CFAP299: variants seen among roughly 807,000 people sequenced by gnomAD.
CFAP299 encodes the protein cilia and flagella associated protein 299.
CFAP299 carries 21 observed loss-of-function variants against 27.0 expected under a neutral mutation model. The observed-to-expected ratio is 0.78, with a 90% CI of 0.55 to 1.12. The LOEUF is 1.12. Among genes scored for constraint, CFAP299 ranks in the 50% most tolerant of loss-of-function variants. The pLI, the probability that CFAP299 is intolerant of heterozygous loss-of-function variation, is 0.00. For synonymous variants in CFAP299, 104 were observed against 98.1 expected (o/e 1.06, Z -0.36); for missense variants, 310 against 276.6 (o/e 1.12, Z -0.86).
At chr4:80,819,993 A>G (rs937789324) in intron 3 of CFAP299, among the ~76,000 whole-genome samples, 6 of 152,098 alleles carry the variant, frequency 3.9e-5, no homozygotes, top group African/African-American at 1.4e-4. Context: ...TTTTGTTTTT[A>G]ATCTCCAGAG....
intron 3 of CFAP299, among the ~76,000 whole-genome samples, chr4:80,717,031 T>C (rs1052941354): frequency 6.6e-6 from 1 of 152,190 alleles, no homozygotes; most frequent in Non-Finnish European, 1.5e-5. Flanking sequence ...ATTCATTTAT[T>C]TAATATTTAT....
intron 3 of CFAP299, among the ~76,000 whole-genome samples, chr4:80,807,177 T>C (rs537722261): frequency 6.6e-6 from 1 of 152,218 alleles, no homozygotes; most frequent in East Asian, 1.9e-4. Flanking sequence ...GGAAAGAAGT[T>C]CAAATATAAA....
At chr4:80,845,089 G>C (rs1172445124) in intron 3 of CFAP299, among the ~76,000 whole-genome samples, 1 of 152,096 alleles carries the variant, frequency 6.6e-6, no homozygotes. Context: ...ATTTCTGAGA[G>C]CTCTGTTCTA....
intron 3 of CFAP299, among the ~76,000 whole-genome samples, chr4:80,684,436 T>C (rs1303725073): frequency 6.6e-6 from 1 of 152,106 alleles, no homozygotes; most frequent in Non-Finnish European, 1.5e-5. Flanking sequence ...ACTAATTTTT[T>C]GTATTTTTTT....
chr4:80,933,165 C>CCTTT (rs569206836), intron 4 of CFAP299, among the ~76,000 whole-genome samples: 2,650 of 149,302 alleles, frequency 0.018, 42 homozygotes, highest in Non-Finnish European at 0.027. Context: ...TCTTTCCTTT[C>CCTTT]CTTTCTTTCT....
intron 3 of CFAP299, chr4:80,639,671 A>C (rs1055705812): frequency 6.5e-6 from 1 of 152,894 alleles, no homozygotes; most frequent in African/African-American, 2.4e-5. Flanking sequence ...TTATGTTTTT[A>C]TTTATTTATT....
intron 3 of CFAP299, among the ~76,000 whole-genome samples, chr4:80,621,639 T>G (rs1390654400): frequency 6.6e-6 from 1 of 152,082 alleles, no homozygotes; most frequent in Non-Finnish European, 1.5e-5. Context: ...AATCCTGGGA[T>G]AAATGAGACA....
intron 3 of CFAP299, among the ~76,000 whole-genome samples, chr4:80,700,959 A>T (rs1721437540): frequency 6.6e-6 from 1 of 152,196 alleles, no homozygotes; most frequent in South Asian, 2.1e-4. Context: ...ACTTACATGC[A>T]TTATCTTTAT....
At chr4:80,763,530 C>T (rs1253339411) in intron 3 of CFAP299, among the ~76,000 whole-genome samples, 1 of 152,060 alleles carries the variant, frequency 6.6e-6, no homozygotes, top group African/African-American at 2.4e-5. Flanking sequence ...GCATACTACT[C>T]ATAGTAATTT....
intron 2 of CFAP299, among the ~76,000 whole-genome samples, chr4:80,462,584 C>A (rs1729492575): frequency 6.6e-6 from 1 of 152,152 alleles, no homozygotes; most frequent in Non-Finnish European, 1.5e-5. Context: ...CCACCCCCAT[C>A]TATTTGCCTA....
intron 3 of CFAP299, among the ~76,000 whole-genome samples, chr4:80,606,449 C>T (rs925833425): frequency 2.0e-5 from 3 of 152,058 alleles, no homozygotes; most frequent in African/African-American, 7.2e-5. Flanking sequence ...GCAGGAGAAT[C>T]GCTTGAACCT....
At chr4:80,631,540 T>C (rs771484885) in intron 3 of CFAP299, among the ~76,000 whole-genome samples, 1 of 152,118 alleles carries the variant, frequency 6.6e-6, no homozygotes, top group Non-Finnish European at 1.5e-5. Flanking sequence ...TTATGCTTCA[T>C]GATAGATTAT....
chr4:80,709,872 T>G (rs572691911), intron 3 of CFAP299, among the ~76,000 whole-genome samples: 181 of 152,276 alleles, frequency 1.2e-3, no homozygotes, highest in African/African-American at 4.1e-3. Flanking sequence ...TTCTTTAAAA[T>G]TATTTTAACA....
chr4:80,613,543 C>T (rs1396928090), intron 3 of CFAP299, among the ~76,000 whole-genome samples: 1 of 152,102 alleles, frequency 6.6e-6, no homozygotes, highest in Non-Finnish European at 1.5e-5. Flanking sequence ...TTTTTCCTCC[C>T]TGAACCTATC....
At chr4:80,599,588 A>G (rs1038479615) in intron 3 of CFAP299, among the ~76,000 whole-genome samples, 1 of 152,144 alleles carries the variant, frequency 6.6e-6, no homozygotes, top group Non-Finnish European at 1.5e-5. Context: ...TAGTCCACAC[A>G]GTGTAACTTC....
At chr4:80,746,158 T>C (rs1724576090) in intron 3 of CFAP299, among the ~76,000 whole-genome samples, 2 of 151,974 alleles carry the variant, frequency 1.3e-5, no homozygotes, top group African/African-American at 4.8e-5. Flanking sequence ...TATTAAATTT[T>C]TGGACATGGG....
chr4:80,606,056 A>G (rs1284788247), intron 3 of CFAP299, among the ~76,000 whole-genome samples: 4 of 152,178 alleles, frequency 2.6e-5, no homozygotes, highest in Non-Finnish European at 4.4e-5. Flanking sequence ...TGAAGAGTCA[A>G]TGAAGCTCTT....
chr4:80,628,595 T>A (rs1022447615), intron 3 of CFAP299, among the ~76,000 whole-genome samples: 1 of 152,174 alleles, frequency 6.6e-6, no homozygotes, highest in African/African-American at 2.4e-5. Context: ...GTTATGGGGT[T>A]AATTTCCAAA....
intron 2 of CFAP299, among the ~76,000 whole-genome samples, chr4:80,505,964 T>C (rs1188106534): frequency 6.6e-6 from 1 of 151,490 alleles, no homozygotes; most frequent in Non-Finnish European, 1.5e-5. Flanking sequence ...AGAGAGACTC[T>C]GTTTCTAATG....
Sources: allele counts gnomAD v4.1 joint callset (sites outside exome capture counted in the v4.1 genomes callset), GRCh38; gene constraint gnomAD v4.1.1; transcripts MANE v1.5; gene names NCBI Gene and HGNC (gene_info 2026-07-23, HGNC 2026-07-21).